Variants in SRGAP2 observed in about 807,000 individuals in gnomAD.
SRGAP2 encodes SLIT-ROBO Rho GTPase activating protein 2.
Under a neutral mutation model 57.2 loss-of-function variants are expected in SRGAP2, and 15 were observed. The ratio of observed to expected loss-of-function variants is 0.26; its 90% CI spans 0.18 to 0.40. The LOEUF (loss-of-function observed/expected upper bound fraction) is 0.40, where lower values mean the gene tolerates loss of function less well. Among genes scored for constraint, SRGAP2 ranks in the 10% least tolerant of loss-of-function variants. The probability of loss-of-function intolerance (pLI) is 1.00; values close to 1 mark genes in which losing one functional copy is unlikely to be tolerated. For missense variants in SRGAP2, 520 were observed against 669.6 expected, an observed-to-expected ratio of 0.78 and a Z score of 2.47; for synonymous variants, 249 against 248.0, an observed-to-expected ratio of 1.00 and a Z score of -0.04.
intron 4 of SRGAP2, among the ~76,000 whole-genome samples, chr1:206,359,796 C>CCCTTT (rs1558345475): frequency 5.8e-5 from 6 of 103,660 alleles, no homozygotes; most frequent in African/African-American, 2.9e-4. Context: ...AGGGATATTG[C>CCCTTT]TCTTTTTTTT....
chr1:206,370,466 G>A (rs1225081173), intron 4 of SRGAP2, among the ~76,000 whole-genome samples: 16 of 152,150 alleles, frequency 1.1e-4, no homozygotes, highest in African/African-American at 3.9e-4. Flanking sequence ...GATATACCCT[G>A]AAAACATTGT....
intron 4 of SRGAP2, among the ~76,000 whole-genome samples, chr1:206,376,174 T>A (rs1256970611): frequency 6.6e-6 from 1 of 152,082 alleles, no homozygotes; most frequent in East Asian, 1.9e-4. Flanking sequence ...CTGCCACCCC[T>A]ACCTTCATCA....
intron 3 of SRGAP2, among the ~76,000 whole-genome samples, chr1:206,306,575 C>T (rs1462135608): frequency 7.2e-5 from 11 of 152,186 alleles, no homozygotes; most frequent in South Asian, 2.1e-4. Flanking sequence ...AATGTTGGCT[C>T]GGGCAGCCTG....
At chr1:206,285,941 C>T (rs1670999020) in intron 2 of SRGAP2, among the ~76,000 whole-genome samples, 1 of 152,186 alleles carries the variant, frequency 6.6e-6, no homozygotes, top group Non-Finnish European at 1.5e-5. Flanking sequence ...ACTGGGATTA[C>T]AGGTGTGAGC....
chr1:206,333,904 C>T (rs1553332854), intron 3 of SRGAP2, among the ~76,000 whole-genome samples: 1 of 152,154 alleles, frequency 6.6e-6, no homozygotes, highest in African/African-American at 2.4e-5. Flanking sequence ...ATCTACTAAC[C>T]TGGAAATTGA....
At chr1:206,450,869 TGGGAGGCCCAGGC>T (rs1291157667) in intron 19 of SRGAP2, among the ~76,000 whole-genome samples, 9 of 151,566 alleles carry the variant, frequency 5.9e-5, no homozygotes, top group African/African-American at 2.2e-4. Context: ...ATCCCAGCAC[TGGGAGGCCCAGGC>T]GGGAGGATCA....
At chr1:206,417,969 G>T (rs1212590171) in intron 11 of SRGAP2, among the ~76,000 whole-genome samples, 1 of 150,916 alleles carries the variant, frequency 6.6e-6, no homozygotes, top group African/African-American at 2.4e-5. Flanking sequence ...ATTCATATGC[G>T]CTCACATTTG....
At chr1:206,460,963 T>C (rs1664216658) in intron 22 of SRGAP2, 74 bp from the exon 23 acceptor site, 1 of 650,888 alleles carries the variant, frequency 1.5e-6, no homozygotes, top group Admixed American at 2.5e-5. Context: ...TGCCTTGGCC[T>C]GTGTTGTTGA....
At chr1:206,346,086 T>A (rs1675604876) in intron 4 of SRGAP2, among the ~76,000 whole-genome samples, 1 of 152,164 alleles carries the variant, frequency 6.6e-6, no homozygotes, top group Non-Finnish European at 1.5e-5. Flanking sequence ...TCCTACTGGT[T>A]AAGATATAGT....
intron 22 of SRGAP2, among the ~76,000 whole-genome samples, chr1:206,460,489 G>C (rs976338657): frequency 3.3e-5 from 5 of 152,096 alleles, no homozygotes; most frequent in Admixed American, 2.0e-4. Flanking sequence ...GAGGAGGGGC[G>C]GGGGGAGGCG....
chr1:206,367,119 C>T (rs1214544423), intron 4 of SRGAP2, among the ~76,000 whole-genome samples: 1 of 152,120 alleles, frequency 6.6e-6, no homozygotes, highest in Non-Finnish European at 1.5e-5. Context: ...TTCCTTTAAC[C>T]AGAATATTCT....
intron 17 of SRGAP2, 47 bp from the exon 18 acceptor site, chr1:206,446,028 A>C: frequency 1.3e-6 from 1 of 771,486 alleles, no homozygotes; most frequent in Admixed American, 1.7e-5. Flanking sequence ...TTTTCTGGGC[A>C]TTCATGCGAG....
rs542436122 is a variant in SRGAP2, at chr1:206,424,705, G to A, written c.1494+3431G>A. 2.6e-5 allele frequency among the ~76,000 whole-genome samples: 4 copies of A among 152,326 alleles called. No homozygotes were observed. In the South Asian group the frequency reaches 6.2e-4, roughly 24 times the overall value. On this transcript the variant is annotated intron_variant, in intron 13 of 22. Coordinates refer to ENST00000573034, the MANE Select transcript of SRGAP2 (RefSeq NM_015326.5). Reference sequence around the variant, plus strand: ...TAAACTCAGTTAACTCTATGCAAGGGCAGTGGTGAAGTGCAGGTCTTCGTG... The same window carrying A: ...TAAACTCAGTTAACTCTATGCAAGGACAGTGGTGAAGTGCAGGTCTTCGTG...
chr1:206,306,815 T>G (rs1672235777), intron 3 of SRGAP2, among the ~76,000 whole-genome samples: 1 of 152,182 alleles, frequency 6.6e-6, no homozygotes, highest in South Asian at 2.1e-4. Flanking sequence ...AACCTTGAGT[T>G]AAACACAGGG....
At chr1:206,275,675 C>T (rs1429741167) in intron 2 of SRGAP2, among the ~76,000 whole-genome samples, 13 of 147,858 alleles carry the variant, frequency 8.8e-5, no homozygotes, top group African/African-American at 2.7e-4. Flanking sequence ...AGTGCAGTGG[C>T]GCGATCTCTG....
rs782734369 is a variant in SRGAP2 at position 206,440,095 on chromosome 1, C to T, written c.1874+14C>T. On this transcript the variant is annotated intron_variant, in intron 17 of 22. Transcript: ENST00000573034. ...CTTCCTCAATCAGTGAGTAGCCTTC[C>T]CAGTGAACAGCTGGATCAGGCTTTG... 8 of 780,042 alleles carry T rather than the reference C, an allele frequency of 1.0e-5. No homozygotes were observed. The highest frequency in any genetic ancestry group is 5.1e-5 in the Admixed American group (3 of 58,932). 48.3% of individuals were successfully genotyped at this position (780,042 alleles called of 1,614,324 possible). A position where few individuals can be genotyped will look rare whatever the true frequency, so the allele number is the denominator to read the frequency against.
chr1:206,318,996 C>T (rs1673256593), intron 3 of SRGAP2, among the ~76,000 whole-genome samples: 1 of 152,146 alleles, frequency 6.6e-6, no homozygotes, highest in South Asian at 2.1e-4. Flanking sequence ...CCTTAGTGCC[C>T]TCTGAAGGAC....
intron 2 of SRGAP2, among the ~76,000 whole-genome samples, chr1:206,275,826 AG>A (rs1670378751): frequency 6.6e-6 from 1 of 152,044 alleles, no homozygotes; most frequent in African/African-American, 2.4e-5. Context: ...CACATTTGCC[AG>A]GATGGTCTCG....
intron 16 of SRGAP2, 139 bp downstream of exon 16, chr1:206,438,237 C>T: frequency 1.6e-6 from 1 of 616,786 alleles, no homozygotes; most frequent in South Asian, 2.0e-5. Context: ...TTCTCCTCAG[C>T]CTCACTCCTT....
Sources: gnomAD v4.1 joint callset for allele counts (sites outside exome capture counted in the v4.1 genomes callset) on GRCh38, gnomAD v4.1.1 for gene constraint, MANE v1.5 for transcripts, NCBI Gene and HGNC (gene_info 2026-07-23, HGNC 2026-07-21) for gene names.